Variants in GOLIM4 observed in about 807,000 individuals in gnomAD.
GOLIM4 encodes the protein golgi integral membrane protein 4.
A neutral mutation model predicts 107.4 loss-of-function variants in GOLIM4; 71 were observed. That is an observed-to-expected ratio of 0.66 (90% CI 0.55 to 0.81). GOLIM4 has a LOEUF of 0.81. GOLIM4 is among the 30% of genes least tolerant of loss of function. The pLI is 0.00. For synonymous variants in GOLIM4, 327 were observed against 294.8 expected, an observed-to-expected ratio of 1.11 and a Z score of -1.12; for missense variants, 830 against 826.1, an observed-to-expected ratio of 1.00 and a Z score of -0.06.
rs544805014 is a variant in GOLIM4, at chr3:168,010,135, T to C, written c.*134A>G. On this transcript the variant is annotated 3_prime_UTR_variant, in exon 16 of 16. Transcript: ENST00000470487. ...ATTCATATAAATGTATGCGCATTTC[T>C]AATACAAAAGTTTTAAAAAAGTCTA... 1.5e-4 allele frequency: 105 copies of C among 696,212 alleles called. No homozygotes were observed. In the South Asian group the frequency reaches 1.8e-3, roughly 12 times the overall value. 43.1% of individuals were successfully genotyped at this position (696,212 alleles called of 1,614,324 possible). A position where few individuals can be genotyped will look rare whatever the true frequency, so the allele number is the denominator to read the frequency against.
chr3:168,042,294 A>G (rs1172390692), intron 5 of GOLIM4, among the ~76,000 whole-genome samples: 1 of 151,898 alleles, frequency 6.6e-6, no homozygotes, highest in African/African-American at 2.4e-5. Flanking sequence ...AGTGCAGTGC[A>G]ATGCCCCAGC....
In GOLIM4 at chr3:168,024,744, C is replaced by T. The variant is rs113128099; in HGVS notation, c.1792-150G>A. ...AAATGATGAGTAATCATTCCCAATA[C>T]AAAGCCCAGGATGTCCGTTACCCTC... On this transcript the variant is annotated intron_variant, in intron 13 of 15. Transcript: ENST00000470487. 49 of 864,688 alleles carry T rather than the reference C, an allele frequency of 5.7e-5. 2 individuals carry two copies. Among genetic ancestry groups the T allele is most frequent in the African/African-American group, 5.3e-4 (32 of 60,460 alleles). 53.6% of individuals were successfully genotyped at this position (864,688 alleles called of 1,614,324 possible).
chr3:168,060,485 G>A (rs1720203894), intron 1 of GOLIM4, among the ~76,000 whole-genome samples: 1 of 152,146 alleles, frequency 6.6e-6, no homozygotes, highest in African/African-American at 2.4e-5. Flanking sequence ...TTGTGAGGAA[G>A]ATCAGAAGTA....
intron 1 of GOLIM4, among the ~76,000 whole-genome samples, chr3:168,049,459 A>AGAT (rs1553799854): frequency 6.6e-6 from 1 of 151,660 alleles, no homozygotes; most frequent in African/African-American, 2.4e-5. Context: ...GCACCGAGGG[A>AGAT]GAGAACAGAG....
Position 168,010,314 on chromosome 3 carries a change from G to A in GOLIM4, c.2046C>T (p.Asp682=), listed in dbSNP as rs752656427. 18 of 1,613,586 alleles carry A rather than the reference G, an allele frequency of 1.1e-5. No individual in the cohort carries two copies. Among genetic ancestry groups the A allele is most frequent in the South Asian group, 4.4e-5 (4 of 91,024 alleles). Residue 682 remains aspartate (D), a synonymous_variant, in exon 16 of 16, where the codon GAC becomes GAT. Transcript: ENST00000470487. The part of the protein sequence containing the change: ...HYEEEEEEEE[D]GAAVAEKSHR... ...GTGATTTCTCAGCAACTGCAGCCCC[G>A]TCTTCTTCCTCCTCTTCTTCCTCCT... is the stretch of plus-strand genomic sequence containing the variant.
At chr3:168,069,484 A>T (rs1477059165) in intron 1 of GOLIM4, among the ~76,000 whole-genome samples, 3 of 152,184 alleles carry the variant, frequency 2.0e-5, no homozygotes, top group African/African-American at 7.2e-5. Context: ...TCTTTAATTG[A>T]TTTTCCTTCA....
At chr3:168,079,352 A>C (rs903977096) in intron 1 of GOLIM4, among the ~76,000 whole-genome samples, 2 of 152,224 alleles carry the variant, frequency 1.3e-5, no homozygotes, top group African/African-American at 4.8e-5. Flanking sequence ...TTATTTACAC[A>C]AAGTACAAAA....
intron 9 of GOLIM4, 140 bp downstream of exon 9, chr3:168,032,380 A>T (rs1255486894): frequency 1.6e-5 from 11 of 707,308 alleles, no homozygotes; most frequent in Non-Finnish European, 2.0e-5. Context: ...TACAAGAGAA[A>T]ACTTAAATAT....
At chr3:168,094,811 G>A (rs1469059102) in intron 1 of GOLIM4, among the ~76,000 whole-genome samples, 1 of 152,220 alleles carries the variant, frequency 6.6e-6, no homozygotes, top group South Asian at 2.1e-4. Context: ...TTTGACAAGA[G>A]CTCGGGTAAA....
chr3:168,070,388 G>T (rs762794409), intron 1 of GOLIM4, among the ~76,000 whole-genome samples: 2 of 152,148 alleles, frequency 1.3e-5, no homozygotes, highest in Non-Finnish European at 2.9e-5. Context: ...GCGAGACTCC[G>T]TCTCAAAAAC....
At chr3:168,040,365 GTA>G (rs1718912604) in intron 7 of GOLIM4, among the ~76,000 whole-genome samples, 1 of 152,204 alleles carries the variant, frequency 6.6e-6, no homozygotes, top group African/African-American at 2.4e-5. Flanking sequence ...AGGAGGGTGT[GTA>G]GGCTGGAATT....
At chr3:168,079,261 T>C (rs1721221399) in intron 1 of GOLIM4, among the ~76,000 whole-genome samples, 1 of 152,208 alleles carries the variant, frequency 6.6e-6, no homozygotes, top group Admixed American at 6.5e-5. Flanking sequence ...ATGAGCAATC[T>C]ACAACTACAT....
intron 1 of GOLIM4, among the ~76,000 whole-genome samples, chr3:168,078,299 T>C (rs115338350): frequency 0.023 from 3,499 of 152,248 alleles, 133 homozygotes; most frequent in African/African-American, 0.08. Context: ...ATTTGTATGG[T>C]AGCAAACTTT....
intron 7 of GOLIM4, among the ~76,000 whole-genome samples, chr3:168,037,906 T>C (rs575343422): frequency 6.6e-6 from 1 of 152,342 alleles, no homozygotes; most frequent in Non-Finnish European, 1.5e-5. Flanking sequence ...TATAAACACA[T>C]GCAGAGAACA....
intron 15 of GOLIM4, 95 bp from the exon 16 acceptor site, chr3:168,010,513 T>G: frequency 1.1e-6 from 1 of 942,606 alleles, no homozygotes; most frequent in Non-Finnish European, 1.6e-6. Flanking sequence ...TACTCATTTT[T>G]GGAGGAAAAA....
intron 10 of GOLIM4, 72 bp from the exon 11 acceptor site, chr3:168,029,374 TC>T: frequency 1.0e-6 from 1 of 957,784 alleles, no homozygotes; most frequent in Admixed American, 2.0e-5. Flanking sequence ...AGGTCATTTA[TC>T]TTTAAAGACA....
chr3:168,086,153 A>C (rs11929408), intron 1 of GOLIM4, among the ~76,000 whole-genome samples: 28,470 of 152,094 alleles, frequency 0.19, 4,376 homozygotes, highest in African/African-American at 0.43. Flanking sequence ...ATATAAAATA[A>C]TTTAAAACAT....
At chr3:168,016,101 G>A (rs2108210306) in intron 14 of GOLIM4, among the ~76,000 whole-genome samples, 1 of 134,760 alleles carries the variant, frequency 7.4e-6, no homozygotes, top group Non-Finnish European at 1.5e-5. Context: ...AGAGTGAACA[G>A]GAAACCTACA....
chr3:168,040,755 A>G, intron 7 of GOLIM4, 31 bp downstream of exon 7: 1 of 1,441,476 alleles, frequency 6.9e-7, no homozygotes, highest in South Asian at 1.2e-5. Context: ...AGACTTGTAA[A>G]AGAACCCACA....
Sources: gnomAD v4.1 joint callset for allele counts (sites outside exome capture counted in the v4.1 genomes callset) on GRCh38, gnomAD v4.1.1 for gene constraint, MANE v1.5 for transcripts, NCBI Gene and HGNC (gene_info 2026-07-23, HGNC 2026-07-21) for gene names.